The following NRG3 variants were observed in gnomAD, a reference collection of about 807,000 sequenced individuals.
The protein encoded by NRG3 is neuregulin 3.
A neutral mutation model predicts 66.9 loss-of-function variants in NRG3; 31 were observed. That is an observed-to-expected ratio of 0.46 (90% CI 0.35 to 0.63). NRG3 has a LOEUF of 0.63. Ranked by LOEUF, NRG3 falls within the 20% of genes least tolerant of loss-of-function variation. The probability of loss-of-function intolerance (pLI) is 0.00; values close to 1 mark genes in which losing one functional copy is unlikely to be tolerated. For synonymous variants in NRG3, 393 were observed against 359.4 expected, an observed-to-expected ratio of 1.09 and a Z score of -1.06; for missense variants, 910 against 878.9, an observed-to-expected ratio of 1.04 and a Z score of -0.45.
At position 82,170,654 on chromosome 10, in the gene NRG3, G is replaced by GTGTATATATA. The variant is rs1554839695; in HGVS notation, c.824-188084_824-188083insGTATATATAT. On this transcript the variant is annotated intron_variant, in intron 1 of 8. Coordinates refer to ENST00000372141, the MANE Select transcript of NRG3 (RefSeq NM_001010848.4). ...TGAGATGATGTTTATAAAACTTGTG[G>GTGTATATATA]TATATATATATATATATATATATAT... 3.6e-3 allele frequency among the ~76,000 whole-genome samples: 265 copies of GTGTATATATA among 74,188 alleles called. 25 individuals are homozygous for GTGTATATATA. The highest frequency in any genetic ancestry group is 5.8e-3 in the Non-Finnish European group (189 of 32,634). The allele number at this position is 74,188 out of a possible 152,430, so 48.7% of individuals were successfully genotyped here. A position where few individuals can be genotyped will look rare whatever the true frequency, so the allele number is the denominator to read the frequency against.
At chr10:82,592,944 A>G (rs1206910641) in intron 2 of NRG3, among the ~76,000 whole-genome samples, 2 of 152,134 alleles carry the variant, frequency 1.3e-5, no homozygotes. Context: ...CACTTGCTTA[A>G]TATCTTCTAG....
At chr10:82,396,932 T>C (rs1399011887) in intron 2 of NRG3, among the ~76,000 whole-genome samples, 4 of 152,186 alleles carry the variant, frequency 2.6e-5, no homozygotes, top group African/African-American at 9.7e-5. Flanking sequence ...TTAGAATCTG[T>C]TATCAACCCT....
intron 3 of NRG3, among the ~76,000 whole-genome samples, chr10:82,745,547 G>A (rs151255541): frequency 0.01 from 1,554 of 152,098 alleles, 24 homozygotes; most frequent in African/African-American, 0.036. Context: ...TCTTATTACC[G>A]TTTTTCTGGC....
At chr10:82,932,900 A>T (rs1847711878) in intron 4 of NRG3, among the ~76,000 whole-genome samples, 1 of 151,910 alleles carries the variant, frequency 6.6e-6, no homozygotes, top group Non-Finnish European at 1.5e-5. Context: ...TTTCCCCTTG[A>T]TATCCAGTCT....
At chr10:81,950,140 T>C (rs894197833) in intron 1 of NRG3, among the ~76,000 whole-genome samples, 14 of 152,222 alleles carry the variant, frequency 9.2e-5, no homozygotes, top group African/African-American at 3.4e-4. Flanking sequence ...CCAAATGTTC[T>C]CATCTTGGGT....
At position 82,004,497 on chromosome 10, in the gene NRG3, T is replaced by C. The variant is rs1312038491; in HGVS notation, c.823+128334T>C. On this transcript the variant is annotated intron_variant, in intron 1 of 8. Transcript: ENST00000372141. ...GTGGCTTCCAGGTAGTCATCATCAA[T>C]CTAACCGTAACTGAACAAATCCCAT... Among the ~76,000 whole-genome samples, 3 of 152,132 alleles carry C rather than the reference T, an allele frequency of 2.0e-5. No individual in the cohort carries two copies. The East Asian group carries it at 5.8e-4, about 29-fold the overall frequency.
chr10:82,665,858 G>A (rs1323480049), intron 2 of NRG3, among the ~76,000 whole-genome samples: 2 of 151,894 alleles, frequency 1.3e-5, no homozygotes, highest in Admixed American at 6.6e-5. Flanking sequence ...CCAATTATCT[G>A]GCTACTACTT....
At chr10:82,578,841 A>G (rs1453191732) in intron 2 of NRG3, among the ~76,000 whole-genome samples, 1 of 151,898 alleles carries the variant, frequency 6.6e-6, no homozygotes, top group Non-Finnish European at 1.5e-5. Flanking sequence ...ATCTAAGAAG[A>G]TTTTCGAAGG....
At chr10:82,634,532 G>A (rs1386320498) in intron 2 of NRG3, among the ~76,000 whole-genome samples, 2 of 152,120 alleles carry the variant, frequency 1.3e-5, no homozygotes, top group African/African-American at 2.4e-5. Flanking sequence ...AAATAAGTTT[G>A]TTCAATATTT....
At chr10:82,797,854 C>G (rs936915162) in intron 3 of NRG3, among the ~76,000 whole-genome samples, 2 of 152,142 alleles carry the variant, frequency 1.3e-5, no homozygotes, top group African/African-American at 4.8e-5. Flanking sequence ...TGACCTGGCT[C>G]TGTCTTCTTC....
At chr10:82,189,657 G>A (rs2133333486) in intron 1 of NRG3, among the ~76,000 whole-genome samples, 1 of 152,226 alleles carries the variant, frequency 6.6e-6, no homozygotes, top group East Asian at 1.9e-4. Flanking sequence ...AGGTGTGGCG[G>A]CATGCTCTTG....
chr10:82,048,843 A>C (rs1311405940), intron 1 of NRG3, among the ~76,000 whole-genome samples: 1 of 151,564 alleles, frequency 6.6e-6, no homozygotes, highest in Admixed American at 6.6e-5. Flanking sequence ...CAAAATTGAT[A>C]GACCGCTAGC....
chr10:82,486,828 G>A (rs1381157805), intron 2 of NRG3, among the ~76,000 whole-genome samples: 6 of 152,032 alleles, frequency 3.9e-5, no homozygotes, highest in Non-Finnish European at 5.9e-5. Flanking sequence ...AGTCACAGAA[G>A]GACAAATGCT....
chr10:82,154,415 T>C (rs1283634882), intron 1 of NRG3, among the ~76,000 whole-genome samples: 1 of 152,078 alleles, frequency 6.6e-6, no homozygotes, highest in African/African-American at 2.4e-5. Context: ...CTCTCTGTTC[T>C]GTTCCATTGG....
intron 2 of NRG3, among the ~76,000 whole-genome samples, chr10:82,542,190 T>C (rs1169756341): frequency 3.3e-5 from 5 of 152,212 alleles, no homozygotes; most frequent in Admixed American, 1.3e-4. Flanking sequence ...GTTCTGTTCC[T>C]GTATTAGTTT....
intron 1 of NRG3, among the ~76,000 whole-genome samples, chr10:81,988,314 GCCTCTCA>G (rs1315281971): frequency 2.6e-5 from 4 of 152,106 alleles, no homozygotes; most frequent in African/African-American, 9.7e-5. Flanking sequence ...CTATGTTAAG[GCCTCTCA>G]CTGCCCTCCC....
intron 1 of NRG3, among the ~76,000 whole-genome samples, chr10:81,966,673 G>T (rs567247725): frequency 3.3e-5 from 5 of 151,670 alleles, no homozygotes; most frequent in African/African-American, 4.8e-5. Context: ...AGTCTGATAG[G>T]GTCTACCTGT....
chr10:82,521,006 G>T (rs1459998153), intron 2 of NRG3, among the ~76,000 whole-genome samples: 2 of 152,144 alleles, frequency 1.3e-5, no homozygotes, highest in African/African-American at 4.8e-5. Context: ...TAAGGCTGCA[G>T]CATGGGATAT....
rs189335599 is a variant in NRG3, at chr10:82,912,749, T to C, written c.1055-38720T>C. On this transcript the variant is annotated intron_variant, in intron 4 of 8. Transcript: ENST00000372141. The stretch of plus-strand genomic sequence containing the variant: ...TTCTTTTTCTTTGCCTTCCATTTTG[T>C]TTTTTCATTTTTGGATCTAATTAAG... Among the ~76,000 whole-genome samples, 344 of 152,298 alleles carry C rather than the reference T, an allele frequency of 2.3e-3. 2 individuals carry two copies. Among genetic ancestry groups the C allele is most frequent in the South Asian group, 4.6e-3 (22 of 4,828 alleles).
Sources: gnomAD v4.1 joint callset for allele counts (sites outside exome capture counted in the v4.1 genomes callset) on GRCh38, gnomAD v4.1.1 for gene constraint, MANE v1.5 for transcripts, NCBI Gene and HGNC (gene_info 2026-07-23, HGNC 2026-07-21) for gene names.